The following MNDA variants were observed in gnomAD, a reference collection of about 807,000 sequenced individuals.
MNDA encodes the protein myeloid cell nuclear differentiation antigen, also known as epididymis secretory sperm binding protein.
In MNDA, 43 loss-of-function variants were observed where a neutral mutation model predicts 37.8. That is an observed-to-expected ratio of 1.14 (90% confidence interval 0.89 to 1.47). The LOEUF (loss-of-function observed/expected upper bound fraction) is 1.47. Among genes scored for constraint, MNDA ranks in the 40% most tolerant of loss-of-function variants. The pLI, the probability that MNDA is intolerant of heterozygous loss-of-function variation, is 0.00. For synonymous variants in MNDA, 181 were observed against 169.0 expected (o/e 1.07, Z -0.55); for missense variants, 536 against 476.0 (o/e 1.13, Z -1.17).
At chr1:158,842,464 C>A in intron 2 of MNDA, 46 bp downstream of exon 2, 1 of 1,560,456 alleles carries the variant, frequency 6.4e-7, no homozygotes, top group African/African-American at 1.4e-5. Flanking sequence ...TTGAGTCTCC[C>A]CAGTCTTCAG....
At chr1:158,833,473 C>T (rs1299671614) in intron 1 of MNDA, among the ~76,000 whole-genome samples, 4 of 152,204 alleles carry the variant, frequency 2.6e-5, no homozygotes, top group African/African-American at 7.2e-5. Context: ...CGTTAACCAA[C>T]AATTTCACCA....
In MNDA at chr1:158,842,311, A is replaced by G; in HGVS notation, c.158A>G (p.Glu53Gly). Residue 53 changes from glutamate (E) to glycine (G), a missense_variant, in exon 2 of 7, where the codon GAA becomes GGA. Transcript: ENST00000368141. ...YNRIKITDLM[E>G]KKFQGVACLD... Reference sequence around the variant, plus strand: ...AGAATTAAGATTACAGATTTGATGGAAAAAAAGTTCCAAGGCGTTGCCTGT... The same window carrying G: ...AGAATTAAGATTACAGATTTGATGGGAAAAAAGTTCCAAGGCGTTGCCTGT... 2 of 1,613,918 alleles carry G rather than the reference A, an allele frequency of 1.2e-6. No individual in the cohort carries two copies. The highest frequency in any genetic ancestry group is 8.5e-7 in the Non-Finnish European group (1 of 1,179,786).
chr1:158,834,917 A>G (rs1658877482), intron 1 of MNDA, among the ~76,000 whole-genome samples: 1 of 152,220 alleles, frequency 6.6e-6, no homozygotes, highest in Non-Finnish European at 1.5e-5. Flanking sequence ...TCAAAAATCA[A>G]TAAGCCATAT....
intron 1 of MNDA, among the ~76,000 whole-genome samples, chr1:158,838,035 T>G (rs1658957464): frequency 1.3e-5 from 2 of 151,976 alleles, no homozygotes; most frequent in Non-Finnish European, 2.9e-5. Flanking sequence ...CAAATTGCAT[T>G]TATATAATAT....
chr1:158,845,548 A>C, intron 4 of MNDA, 39 bp from the exon 5 acceptor site: 1 of 1,564,830 alleles, frequency 6.4e-7, no homozygotes, highest in South Asian at 1.2e-5. Flanking sequence ...CCTCCTGCTC[A>C]AAGTTTTAAG....
At chr1:158,847,607 T>G in intron 5 of MNDA, 121 bp from the exon 6 acceptor site, 1 of 847,080 alleles carries the variant, frequency 1.2e-6, no homozygotes, top group Non-Finnish European at 1.7e-6. Context: ...CCAAGCCACA[T>G]GTATGATCTG....
intron 4 of MNDA, among the ~76,000 whole-genome samples, chr1:158,844,324 G>T (rs546902169): frequency 4.6e-5 from 7 of 151,622 alleles, no homozygotes; most frequent in Non-Finnish European, 1.0e-4. Context: ...TAATCACTGT[G>T]TGTAAAACAC....
chr1:158,831,975 A>G (rs1460968188), intron 1 of MNDA, among the ~76,000 whole-genome samples: 1 of 152,168 alleles, frequency 6.6e-6, no homozygotes, highest in African/African-American at 2.4e-5. Flanking sequence ...ATATGATTTT[A>G]TCTCTATTTT....
In MNDA at chr1:158,842,424, A is replaced by G; in HGVS notation, c.265+6A>G. 2 of 1,606,444 alleles carry G rather than the reference A, an allele frequency of 1.2e-6. No individual in the cohort carries two copies. Among genetic ancestry groups the G allele is most frequent in the Non-Finnish European group, 1.7e-6 (2 of 1,176,908 alleles). On this transcript the variant is annotated splice_donor_region_variant and intron_variant, in intron 2 of 6. Coordinates refer to ENST00000368141, the MANE Select transcript of MNDA (RefSeq NM_002432.3). ...TCGAAAAGAGAAGTCAAAAGGTAATAGAGAAAACCTTGCACATAGCTACTC... is the reference window on the plus strand; with the variant it reads ...TCGAAAAGAGAAGTCAAAAGGTAATGGAGAAAACCTTGCACATAGCTACTC...
chr1:158,849,313 T>C lies in MNDA; in HGVS notation c.*76T>C. On this transcript the variant is annotated 3_prime_UTR_variant, in exon 7 of 7. Transcript: ENST00000368141. The stretch of plus-strand genomic sequence containing the variant: ...TGTTAATAACTGTGATTTTGTAAAT[T>C]TCAGTAATTCATTTAAATGATGTTT... 1 of 1,294,740 alleles carries C rather than the reference T, an allele frequency of 7.7e-7. No individual in the cohort carries two copies. Among genetic ancestry groups the C allele is most frequent in the Non-Finnish European group, 1.1e-6 (1 of 905,010 alleles). 80.2% of individuals were successfully genotyped at this position (1,294,740 alleles called of 1,614,324 possible).
At chr1:158,832,594 T>A (rs1271293791) in intron 1 of MNDA, among the ~76,000 whole-genome samples, 1 of 151,138 alleles carries the variant, frequency 6.6e-6, no homozygotes, top group Admixed American at 6.6e-5. Flanking sequence ...TAATAACAGA[T>A]TATATTTATA....
intron 1 of MNDA, among the ~76,000 whole-genome samples, chr1:158,838,882 C>T (rs1658974036): frequency 6.6e-6 from 1 of 152,112 alleles, no homozygotes; most frequent in Non-Finnish European, 1.5e-5. Flanking sequence ...GTGGATTTTA[C>T]AATGCAGTCA....
intron 1 of MNDA, among the ~76,000 whole-genome samples, chr1:158,836,109 C>T (rs556016436): frequency 5.2e-4 from 79 of 151,332 alleles, no homozygotes; most frequent in African/African-American, 1.6e-3. Context: ...ATAAATTTAA[C>T]GTGCTATATA....
intron 1 of MNDA, among the ~76,000 whole-genome samples, chr1:158,834,951 A>C (rs1023380759): frequency 6.6e-6 from 1 of 152,184 alleles, no homozygotes; most frequent in African/African-American, 2.4e-5. Context: ...TTTCTATGCT[A>C]TCTATCATAT....
chr1:158,835,980 A>G (rs765120351), intron 1 of MNDA, among the ~76,000 whole-genome samples: 1 of 151,388 alleles, frequency 6.6e-6, no homozygotes, highest in Non-Finnish European at 1.5e-5. Context: ...ATTTTTCCTC[A>G]TCTTTCAGGA....
intron 1 of MNDA, among the ~76,000 whole-genome samples, chr1:158,832,354 T>C (rs542144364): frequency 6.6e-6 from 1 of 152,012 alleles, no homozygotes; most frequent in Non-Finnish European, 1.5e-5. Flanking sequence ...GTAAGCTTGT[T>C]AATTATGTTT....
At position 158,844,028 on chromosome 1, in the gene MNDA, C is replaced by CG. The variant is rs752435449; in HGVS notation, c.476_477insG (p.Gly160ArgfsTer65). On this transcript the variant is annotated frameshift_variant, in exon 4 of 7. Transcript: ENST00000368141. LOFTEE classifies it high-confidence loss of function. Reference sequence around the variant, plus strand: ...GTGTCCCAAGAGCAGAGTAAGCCCCCAGGTCCCTCAGGAGCCAGCACATCT... The same window carrying CG: ...GTGTCCCAAGAGCAGAGTAAGCCCCCGAGGTCCCTCAGGAGCCAGCACATCT... 16 of 1,613,590 alleles carry CG rather than the reference C, an allele frequency of 9.9e-6. No homozygotes were observed. The highest frequency in any genetic ancestry group is 1.3e-5 in the African/African-American group (1 of 74,874).
intron 6 of MNDA, among the ~76,000 whole-genome samples, chr1:158,848,948 G>A (rs1659196563): frequency 6.6e-6 from 1 of 152,120 alleles, no homozygotes; most frequent in Non-Finnish European, 1.5e-5. Flanking sequence ...GGATACCACA[G>A]AAGTTTATTT....
rs759064821 is a variant in MNDA at position 158,843,387 on chromosome 1, A to C, written c.374A>C (p.Glu125Ala). ...APTARNKLTS[E>A]ARGRIPVAQK... is the part of the protein sequence containing the mutation. Reference sequence around the variant, plus strand: ...ACCGCAAGAAACAAACTGACATCGGAAGCAAGAGGGAGGATTCCTGTAGCT... The same window carrying C: ...ACCGCAAGAAACAAACTGACATCGGCAGCAAGAGGGAGGATTCCTGTAGCT... Residue 125 changes from glutamate (E) to alanine (A), a missense_variant, in exon 3 of 7, where the codon GAA becomes GCA. Physicochemically the swap from Glu to Ala is moderately radical, Grantham distance 107. Transcript: ENST00000368141. The C allele has an allele frequency of 1.2e-6, 2 of 1,611,206 alleles. No individual in the cohort carries two copies. The highest frequency in any genetic ancestry group is 2.7e-5 in the African/African-American group (2 of 74,732).
Sources: allele counts gnomAD v4.1 joint callset (sites outside exome capture counted in the v4.1 genomes callset), GRCh38; gene constraint gnomAD v4.1.1; transcripts MANE v1.5; gene names NCBI Gene and HGNC (gene_info 2026-07-23, HGNC 2026-07-21).